The following XXYLT1 variants were observed in gnomAD, a reference collection of about 807,000 sequenced individuals.
XXYLT1 encodes the protein xyloside xylosyltransferase 1.
In XXYLT1, 20 loss-of-function variants were observed where a neutral mutation model predicts 28.9. The ratio of observed to expected loss-of-function variants is 0.69; its 90% CI spans 0.49 to 1.00. The LOEUF is 1.00. XXYLT1 is among the 50% of genes least tolerant of loss of function. XXYLT1 has a pLI of 0.00. For missense variants in XXYLT1, 542 were observed against 560.1 expected (o/e 0.97, Z 0.33); for synonymous variants, 257 against 253.8 (o/e 1.01, Z -0.12).
At chr3:195,134,523 GGAGCAC>G (rs1719066722) in intron 3 of XXYLT1, 2 of 155,634 alleles carry the variant, frequency 1.3e-5, no homozygotes, top group African/African-American at 4.8e-5. Flanking sequence ...TTGTAGCCCA[GGAGCAC>G]GAGGCTACCC....
chr3:195,175,377 C>A (rs1361034574), intron 2 of XXYLT1, among the ~76,000 whole-genome samples: 1 of 152,206 alleles, frequency 6.6e-6, no homozygotes, highest in Non-Finnish European at 1.5e-5. Flanking sequence ...TGAGATGGAA[C>A]TGGGGGAATG....
intron 3 of XXYLT1, among the ~76,000 whole-genome samples, chr3:195,132,929 T>C (rs933502346): frequency 6.6e-6 from 1 of 152,262 alleles, no homozygotes; most frequent in African/African-American, 2.4e-5. Flanking sequence ...TGCACAATTC[T>C]CTTTCTACCA....
At chr3:195,221,490 C>A (rs554051444) in intron 2 of XXYLT1, among the ~76,000 whole-genome samples, 3 of 152,240 alleles carry the variant, frequency 2.0e-5, no homozygotes, top group Admixed American at 6.5e-5. Flanking sequence ...GACAGGAGAG[C>A]CTTCCAGGGG....
At chr3:195,160,110 T>A (rs75738250) in intron 2 of XXYLT1, among the ~76,000 whole-genome samples, 52,235 of 151,154 alleles carry the variant, frequency 0.35, 10,069 homozygotes, top group East Asian at 0.84. Flanking sequence ...AAGAAAAAAA[T>A]AGTGAGCCTT....
At chr3:195,074,683 C>G (rs1715017204) in intron 3 of XXYLT1, among the ~76,000 whole-genome samples, 1 of 152,170 alleles carries the variant, frequency 6.6e-6, no homozygotes, top group Admixed American at 6.5e-5. Flanking sequence ...AATTTCAGAC[C>G]CATGACCCTG....
chr3:195,124,994 C>T lies in XXYLT1; in HGVS notation c.785+31455G>A, dbSNP rs1234335474. Among the ~76,000 whole-genome samples the T allele has an allele frequency of 6.6e-6, 1 of 152,184 alleles. No individual in the cohort carries two copies. The highest frequency in any genetic ancestry group is 1.9e-4 in the East Asian group (1 of 5,194). On this transcript the variant is annotated intron_variant, in intron 3 of 3. Transcript: ENST00000310380. This position sits in a 1 kb window ranked among gnomAD's most constrained non-coding sequence, Gnocchi z 4.1. ...GGCATCTCAGCTTCTTTCAAGCTAA[C>T]CCATTCTTTATTCATTTATTACACA...
At chr3:195,235,534 C>T (rs1724497487) in intron 1 of XXYLT1, among the ~76,000 whole-genome samples, 1 of 152,138 alleles carries the variant, frequency 6.6e-6, no homozygotes, top group Non-Finnish European at 1.5e-5. Context: ...ATTTAGTTCA[C>T]TTGGTGAGGT....
intron 1 of XXYLT1, among the ~76,000 whole-genome samples, chr3:195,229,090 G>A (rs1330650195): frequency 6.6e-6 from 1 of 152,096 alleles, no homozygotes; most frequent in Non-Finnish European, 1.5e-5. Flanking sequence ...TGGATTACAG[G>A]TATGAGCCAC....
At chr3:195,226,420 C>T (rs1224892885) in intron 2 of XXYLT1, among the ~76,000 whole-genome samples, 2 of 152,084 alleles carry the variant, frequency 1.3e-5, no homozygotes, top group Non-Finnish European at 2.9e-5. Context: ...GGGGGTTGAG[C>T]AGTGGGGAAA....
rs1725616808 is a variant in XXYLT1, at chr3:195,259,826, CTGGCTG to C, written c.504+10723_504+10728del. ...GGCTCCAACAGACACGTTTCCCACA[CTGGCTG>C]CGGAGGCCCGCCGGGTGTGACGGGG... On this transcript the variant is annotated intron_variant, in intron 1 of 3. Transcript: ENST00000310380. Among the ~76,000 whole-genome samples the C allele has an allele frequency of 2.6e-5, 4 of 152,242 alleles. 1 individual carries two copies. In the South Asian group the frequency reaches 8.3e-4, roughly 32 times the overall value.
rs9653890 is a variant in XXYLT1 at position 195,191,267 on chromosome 3, C to T, written c.653-34686G>A. On this transcript the variant is annotated intron_variant, in intron 2 of 3. Transcript: ENST00000310380. ...TCCACCTCCTCCACCTCTGCCACCC[C>T]TCAGAAAGAAGACCAATCCCTCCTT... Among the ~76,000 whole-genome samples, 88 of 152,268 alleles carry T rather than the reference C, an allele frequency of 5.8e-4. 1 individual carries two copies. The highest frequency in any genetic ancestry group is 2.0e-3 in the African/African-American group (82 of 41,566).
intron 3 of XXYLT1, among the ~76,000 whole-genome samples, chr3:195,130,249 GCCCA>G (rs1560110172): frequency 2.6e-5 from 4 of 152,200 alleles, no homozygotes; most frequent in Non-Finnish European, 5.9e-5. Context: ...GGTAGGAGCT[GCCCA>G]TTAGCACCTT....
At chr3:195,231,382 T>G (rs1169330036) in intron 1 of XXYLT1, among the ~76,000 whole-genome samples, 9 of 152,166 alleles carry the variant, frequency 5.9e-5, no homozygotes, top group Non-Finnish European at 1.2e-4. Context: ...CTTTATGTCG[T>G]TCTCTTGTCT....
intron 3 of XXYLT1, chr3:195,085,940 A>C (rs1471997856): frequency 4.7e-5 from 7 of 149,252 alleles, no homozygotes; most frequent in African/African-American, 1.5e-4. Flanking sequence ...GGAGGCCAAC[A>C]CTCACTATGA....
chr3:195,190,708 T>C (rs1279721221), intron 2 of XXYLT1, among the ~76,000 whole-genome samples: 5 of 151,992 alleles, frequency 3.3e-5, no homozygotes, highest in African/African-American at 1.2e-4. Flanking sequence ...AACACTGGGT[T>C]GTTGGGTTTA....
In XXYLT1 at chr3:195,246,681, G is replaced by A. The variant is rs191336714; in HGVS notation, c.505-19825C>T. Among the ~76,000 whole-genome samples, 382 of 152,280 alleles carry A rather than the reference G, an allele frequency of 2.5e-3. 1 individual carries two copies. Among genetic ancestry groups the A allele is most frequent in the Non-Finnish European group, 4.0e-3 (271 of 68,018 alleles). ...CACAAGGCAGCTCCAAAGGAGAGGCGGGGGTGAGCAGGGGTCTGTGCTATC... is the reference window on the plus strand; with the variant it reads ...CACAAGGCAGCTCCAAAGGAGAGGCAGGGGTGAGCAGGGGTCTGTGCTATC... On this transcript the variant is annotated intron_variant, in intron 1 of 3. Coordinates refer to ENST00000310380, the MANE Select transcript of XXYLT1 (RefSeq NM_152531.5).
At chr3:195,245,356 C>T (rs1420817386) in intron 1 of XXYLT1, among the ~76,000 whole-genome samples, 1 of 151,716 alleles carries the variant, frequency 6.6e-6, no homozygotes, top group Non-Finnish European at 1.5e-5. Flanking sequence ...GATGGGGTTT[C>T]ACCATATTGG....
At chr3:195,177,003 C>T (rs139788210) in intron 2 of XXYLT1, among the ~76,000 whole-genome samples, 4 of 152,352 alleles carry the variant, frequency 2.6e-5, no homozygotes, top group East Asian at 1.9e-4. Flanking sequence ...CCGCCCTCCT[C>T]GCTGGGCTCT....
chr3:195,232,533 C>A (rs1326802210), intron 1 of XXYLT1, among the ~76,000 whole-genome samples: 1 of 152,004 alleles, frequency 6.6e-6, no homozygotes, highest in Admixed American at 6.6e-5. Context: ...CCATAAACTT[C>A]TCTTAGTACT....
Sources: allele counts gnomAD v4.1 joint callset (sites outside exome capture counted in the v4.1 genomes callset), GRCh38; gene constraint gnomAD v4.1.1; non-coding constraint Gnocchi (gnomAD v3.1); transcripts MANE v1.5; gene names NCBI Gene and HGNC (gene_info 2026-07-23, HGNC 2026-07-21).